PCDHA4: variants seen among roughly 807,000 people sequenced by gnomAD.
The protein encoded by PCDHA4 is protocadherin alpha-4.
Under a neutral mutation model 61.4 loss-of-function variants are expected in PCDHA4, and 49 were observed. The ratio of observed to expected loss-of-function variants is 0.80; its 90% CI spans 0.63 to 1.01. PCDHA4 has a LOEUF of 1.01. PCDHA4 is among the 50% of genes least tolerant of loss of function. PCDHA4 has a pLI of 0.00. For synonymous variants in PCDHA4, 590 were observed against 550.3 expected (o/e 1.07, Z -1.01); for missense variants, 1,254 against 1,235.8 (o/e 1.01, Z -0.22).
intron 1 of PCDHA4, among the ~76,000 whole-genome samples, chr5:140,880,522 T>C (rs2058372712): frequency 6.6e-6 from 1 of 152,232 alleles, no homozygotes; most frequent in South Asian, 2.1e-4. Flanking sequence ...CATCTCTCAA[T>C]GTGTGAATCA....
chr5:140,954,532 GT>G (rs1274213608), intron 1 of PCDHA4, among the ~76,000 whole-genome samples: 7 of 152,088 alleles, frequency 4.6e-5, no homozygotes, highest in Non-Finnish European at 5.9e-5. Context: ...TGATGTTGAG[GT>G]TTTTTTCATA....
At chr5:140,890,356 T>C (rs139351817) in intron 1 of PCDHA4, among the ~76,000 whole-genome samples, 50 of 152,308 alleles carry the variant, frequency 3.3e-4, no homozygotes, top group African/African-American at 1.2e-3. Context: ...TATATAGCAA[T>C]GGATAACCTG....
At chr5:140,822,168 G>C (rs2150114255) in intron 1 of PCDHA4, 1 of 1,614,262 alleles carries the variant, frequency 6.2e-7, no homozygotes, top group South Asian at 1.1e-5. Context: ...ATCCGCCCAG[G>C]TTCTCCAGAC....
intron 1 of PCDHA4, chr5:140,815,867 A>C (rs1554126905): frequency 6.6e-6 from 1 of 152,114 alleles, no homozygotes; most frequent in African/African-American, 2.4e-5. Flanking sequence ...CTTGGCTGGC[A>C]GTTCTTTTTC....
intron 1 of PCDHA4, among the ~76,000 whole-genome samples, chr5:140,943,822 A>T (rs2093570990): frequency 6.6e-6 from 1 of 152,220 alleles, no homozygotes; most frequent in Non-Finnish European, 1.5e-5. Context: ...GAAGAAAATG[A>T]GTTGATTGAA....
chr5:140,918,868 T>C (rs1584116749), intron 1 of PCDHA4, among the ~76,000 whole-genome samples: 1 of 152,216 alleles, frequency 6.6e-6, no homozygotes, highest in Admixed American at 6.5e-5. Context: ...TCATGAACTT[T>C]CAAGCCTCTA....
intron 1 of PCDHA4, among the ~76,000 whole-genome samples, chr5:140,917,059 G>A (rs1174473146): frequency 6.6e-6 from 1 of 152,044 alleles, no homozygotes; most frequent in Non-Finnish European, 1.5e-5. Context: ...TCCCTGCTAC[G>A]ACAGCACCGA....
At chr5:140,829,915 G>A (rs2150177700) in intron 1 of PCDHA4, 2 of 1,613,890 alleles carry the variant, frequency 1.2e-6, no homozygotes, top group Non-Finnish European at 1.7e-6. Context: ...CGTGGCTTTC[G>A]TATGAGCTGC....
Position 141,007,689 on chromosome 5 carries a change from A to G in PCDHA4, c.2534-1938A>G, listed in dbSNP as rs545850175. Among the ~76,000 whole-genome samples the G allele has an allele frequency of 3.5e-4, 53 of 152,196 alleles. 1 individual carries two copies. Among genetic ancestry groups the G allele is most frequent in the African/African-American group, 1.3e-3 (52 of 41,536 alleles). On this transcript the variant is annotated intron_variant, in intron 3 of 3. Coordinates refer to ENST00000530339, the MANE Select transcript of PCDHA4 (RefSeq NM_018907.4). ...CAAAGACAAAAGTTATCCTACTTCC[A>G]CCTCCCTCCTCTGCCTCCCACCACC...
chr5:140,844,317 T>G (rs1026706831), intron 1 of PCDHA4, among the ~76,000 whole-genome samples: 3 of 149,600 alleles, frequency 2.0e-5, no homozygotes, highest in African/African-American at 7.3e-5. Context: ...TTCTTCCTAA[T>G]TTTATTATAA....
intron 3 of PCDHA4, among the ~76,000 whole-genome samples, chr5:141,004,253 C>G (rs1460798910): frequency 6.6e-6 from 1 of 152,200 alleles, no homozygotes; most frequent in Non-Finnish European, 1.5e-5. Flanking sequence ...TTTTGTTTTA[C>G]TGGAATGAGT....
At chr5:140,822,062 G>A (rs997674203) in intron 1 of PCDHA4, 5 of 1,614,204 alleles carry the variant, frequency 3.1e-6, no homozygotes, top group East Asian at 2.2e-5. Flanking sequence ...GAGCTGTGCC[G>A]GCGGAGGGCG....
At chr5:140,996,811 A>G (rs2097746792) in intron 3 of PCDHA4, among the ~76,000 whole-genome samples, 1 of 152,212 alleles carries the variant, frequency 6.6e-6, no homozygotes, top group African/African-American at 2.4e-5. Flanking sequence ...ATGCTTTCCA[A>G]AAGTAACCAC....
intron 1 of PCDHA4, chr5:140,855,953 T>TA (rs2043692800): frequency 2.2e-6 from 3 of 1,381,096 alleles, no homozygotes; most frequent in Admixed American, 4.7e-5. Flanking sequence ...GCCATTTCGA[T>TA]AAAAAATAGA....
chr5:140,877,501 A>G lies in PCDHA4; in HGVS notation c.2385+67929A>G, dbSNP rs2057165784. On this transcript the variant is annotated intron_variant, in intron 1 of 3. Coordinates refer to ENST00000530339, the MANE Select transcript of PCDHA4 (RefSeq NM_018907.4). ...GCTGGTGGAGAACGGCCAGGCCCCA[A>G]AGACGTCGTCGCGGGCCTCAGTGGG... 3.1e-6 allele frequency: 5 copies of G among 1,613,804 alleles called. No homozygotes were observed. In the East Asian group the frequency reaches 1.1e-4, roughly 36 times the overall value.
intron 1 of PCDHA4, chr5:140,847,908 G>GA (rs1781243809): frequency 6.7e-6 from 1 of 149,496 alleles, no homozygotes; most frequent in Non-Finnish European, 1.5e-5. Context: ...AGATTTCTGG[G>GA]CTCCTATATT....
chr5:140,873,240 A>G (rs1008708021), intron 1 of PCDHA4, among the ~76,000 whole-genome samples: 10 of 152,226 alleles, frequency 6.6e-5, no homozygotes, highest in African/African-American at 2.4e-4. Context: ...ATAAAAATAT[A>G]AAATATTTCA....
In PCDHA4 at chr5:140,848,765, C is replaced by A; in HGVS notation, c.2385+39193C>A. ...GCATTTTGTTTGTGAATTCTCGGAT[C>A]GACCGCGAGGAGCTGTGCGGGCGGA... On this transcript the variant is annotated intron_variant, in intron 1 of 3. Coordinates refer to ENST00000530339, the MANE Select transcript of PCDHA4 (RefSeq NM_018907.4). 3.8e-6 allele frequency: 6 copies of A among 1,593,356 alleles called. 1 individual carries two copies. The highest frequency in any genetic ancestry group is 2.2e-5 in the South Asian group (2 of 90,232).
In PCDHA4 at chr5:140,852,554, C is replaced by T. The variant is rs2150518333; in HGVS notation, c.2385+42982C>T. On this transcript the variant is annotated intron_variant, in intron 1 of 3. Coordinates refer to ENST00000530339, the MANE Select transcript of PCDHA4 (RefSeq NM_018907.4). ...GCCTCCCAAAGTGCTGGGATTAAAG[C>T]TGTGAGCCACTGTGCCAAGGCTTTT... The T allele has an allele frequency of 2.3e-3, 1,476 of 640,248 alleles. 60 individuals are homozygous for T. The highest frequency in any genetic ancestry group is 1.6e-3 in the Non-Finnish European group (826 of 501,678). 39.7% of individuals were successfully genotyped at this position (640,248 alleles called of 1,614,324 possible).
Sources: gnomAD v4.1 joint callset for allele counts (sites outside exome capture counted in the v4.1 genomes callset) on GRCh38, gnomAD v4.1.1 for gene constraint, MANE v1.5 for transcripts, NCBI Gene and HGNC (gene_info 2026-07-23, HGNC 2026-07-21) for gene names.